DCLK1: variants seen among roughly 807,000 people sequenced by gnomAD.
DCLK1 encodes the protein doublecortin like kinase 1.
DCLK1 carries 16 observed loss-of-function variants against 86.2 expected under a neutral mutation model. The ratio of observed to expected loss-of-function variants is 0.19; its 90% CI spans 0.13 to 0.28. The LOEUF (loss-of-function observed/expected upper bound fraction) is 0.28, where lower values mean the gene tolerates loss of function less well. Among genes scored for constraint, DCLK1 ranks in the 10% least tolerant of loss-of-function variants. The pLI is 1.00. For missense variants in DCLK1, 590 were observed against 940.2 expected (o/e 0.63, Z 4.87); for synonymous variants, 369 against 370.5 (o/e 1.00, Z 0.05).
At chr13:36,099,962 G>C (rs9575272) in intron 3 of DCLK1, among the ~76,000 whole-genome samples, 27,930 of 151,852 alleles carry the variant, frequency 0.18, 2,855 homozygotes, top group East Asian at 0.45. Context: ...TTTAATCAAT[G>C]GATGTGTTTT....
chr13:35,962,897 T>C (rs1480049796), intron 3 of DCLK1, among the ~76,000 whole-genome samples: 1 of 152,224 alleles, frequency 6.6e-6, no homozygotes, highest in Non-Finnish European at 1.5e-5. Flanking sequence ...ACCTGGACTC[T>C]CTTATGTTCT....
intron 12 of DCLK1, 44 bp from the exon 13 acceptor site, chr13:35,809,139 A>T: frequency 6.6e-7 from 1 of 1,519,842 alleles, no homozygotes; most frequent in Non-Finnish European, 9.0e-7. Flanking sequence ...TCAGGCTCGG[A>T]CAAATTATGC....
At chr13:36,097,181 G>A (rs1418342181) in intron 3 of DCLK1, among the ~76,000 whole-genome samples, 1 of 152,218 alleles carries the variant, frequency 6.6e-6, no homozygotes, top group African/African-American at 2.4e-5. Context: ...TTTAAAAGCT[G>A]ATGTGACTAA....
chr13:36,016,823 G>A (rs1881554385), intron 3 of DCLK1, among the ~76,000 whole-genome samples: 1 of 152,148 alleles, frequency 6.6e-6, no homozygotes, highest in African/African-American at 2.4e-5. Context: ...CATGCAATCA[G>A]TATAAAAATT....
intron 8 of DCLK1, among the ~76,000 whole-genome samples, chr13:35,831,025 G>A (rs1022332822): frequency 6.6e-6 from 1 of 152,176 alleles, no homozygotes. Flanking sequence ...CAGAGGGTGT[G>A]TTGGCTCCCA....
chr13:35,943,723 A>G (rs1478856061), intron 4 of DCLK1, among the ~76,000 whole-genome samples: 1 of 151,738 alleles, frequency 6.6e-6, no homozygotes, highest in African/African-American at 2.4e-5. Flanking sequence ...CTCATCCCCA[A>G]GGAGTTCACT....
rs35847607 is a variant in DCLK1, at chr13:35,992,443, C to CTTT, written c.724-44989_724-44987dup. On this transcript the variant is annotated intron_variant, in intron 3 of 16. Coordinates refer to ENST00000360631, the MANE Select transcript of DCLK1 (RefSeq NM_001330071.2). ...TGTTTGCTTCCTTCAAAAGAAAGTG[C>CTTT]TTTTTTTTTTTTTAATGTTGGGGGC... Among the ~76,000 whole-genome samples, 354 of 144,556 alleles carry CTTT rather than the reference C, an allele frequency of 2.4e-3. 3 individuals are homozygous for CTTT. Among genetic ancestry groups the CTTT allele is most frequent in the African/African-American group, 8.8e-3 (341 of 38,968 alleles). The allele number at this position is 144,556 out of a possible 152,430, so 94.8% of individuals were successfully genotyped here. A position where few individuals can be genotyped will look rare whatever the true frequency, so the allele number is the denominator to read the frequency against.
chr13:35,849,303 C>T lies in DCLK1; in HGVS notation c.1035+5196G>A, dbSNP rs1482079307. The T allele has an allele frequency of 3.0e-6, 3 of 985,036 alleles. No homozygotes were observed. The African/African-American group carries it at 5.2e-5, about 17-fold the overall frequency. The allele number at this position is 985,036 out of a possible 1,614,324, so 61.0% of individuals were successfully genotyped here. On this transcript the variant is annotated intron_variant, in intron 6 of 16. Transcript: ENST00000360631. Reference sequence around the variant, plus strand: ...TAACATTTAAAACAGCGTGTGACAACTGAATTTCTCTCCATCTTGAATAAA... The same window carrying T: ...TAACATTTAAAACAGCGTGTGACAATTGAATTTCTCTCCATCTTGAATAAA...
chr13:35,852,400 C>T (rs564585916), intron 6 of DCLK1, among the ~76,000 whole-genome samples: 25 of 152,256 alleles, frequency 1.6e-4, no homozygotes, highest in African/African-American at 6.0e-4. Flanking sequence ...TCATTTATGG[C>T]CTAAATTCAA....
intron 3 of DCLK1, among the ~76,000 whole-genome samples, chr13:35,986,367 G>A (rs558579837): frequency 2.0e-5 from 3 of 149,902 alleles, no homozygotes; most frequent in Non-Finnish European, 4.4e-5. Context: ...CACAGAGGAG[G>A]CAGGGGAGAA....
At chr13:36,039,031 G>C (rs1012417021) in intron 3 of DCLK1, among the ~76,000 whole-genome samples, 1 of 152,138 alleles carries the variant, frequency 6.6e-6, no homozygotes, top group African/African-American at 2.4e-5. Flanking sequence ...GTAGTCATTC[G>C]TCAGGCGCCT....
At chr13:35,859,510 G>A (rs1256106165) in intron 5 of DCLK1, among the ~76,000 whole-genome samples, 1 of 152,108 alleles carries the variant, frequency 6.6e-6, no homozygotes, top group African/African-American at 2.4e-5. Flanking sequence ...TATCCCTCCC[G>A]ACGGTACATG....
At chr13:36,123,162 C>T (rs527272062) in intron 2 of DCLK1, among the ~76,000 whole-genome samples, 38 of 152,202 alleles carry the variant, frequency 2.5e-4, no homozygotes, top group African/African-American at 8.9e-4. Flanking sequence ...CATGCACTGA[C>T]GTTTACATAA....
intron 3 of DCLK1, among the ~76,000 whole-genome samples, chr13:36,083,677 C>T (rs540565697): frequency 1.3e-5 from 2 of 152,296 alleles, no homozygotes; most frequent in Non-Finnish European, 2.9e-5. Context: ...CCTCCAGGAA[C>T]AATCTTTTTC....
chr13:36,080,125 G>A (rs777134382), intron 3 of DCLK1, among the ~76,000 whole-genome samples: 11 of 152,066 alleles, frequency 7.2e-5, no homozygotes, highest in Admixed American at 4.6e-4. Context: ...AAAAATGTCT[G>A]TTTCTACAGC....
intron 2 of DCLK1, among the ~76,000 whole-genome samples, chr13:36,119,634 A>G (rs1885910202): frequency 6.6e-6 from 1 of 152,218 alleles, no homozygotes. Flanking sequence ...ACTTCTGTGC[A>G]TAACATCAAT....
At chr13:36,005,305 T>C (rs1474318982) in intron 3 of DCLK1, among the ~76,000 whole-genome samples, 1 of 152,124 alleles carries the variant, frequency 6.6e-6, no homozygotes, top group East Asian at 1.9e-4. Context: ...ATTCTGAATG[T>C]AAAGAATAAT....
Position 35,947,344 on chromosome 13 carries a change from T to C in DCLK1, c.823+14A>G. On this transcript the variant is annotated intron_variant, in intron 4 of 16. Transcript: ENST00000360631. ...CTCAAATTTCCCCTGGTTTTGAACT[T>C]TTTTTTTCCTTACCACTTTCATCTA... The C allele has an allele frequency of 1.2e-6, 2 of 1,611,650 alleles. No individual in the cohort carries two copies. The highest frequency in any genetic ancestry group is 1.7e-6 in the Non-Finnish European group (2 of 1,178,306).
chr13:36,051,522 C>T, intron 3 of DCLK1, among the ~76,000 whole-genome samples: 1 of 151,974 alleles, frequency 6.6e-6, no homozygotes, highest in East Asian at 1.9e-4. Flanking sequence ...ATTATAAAAC[C>T]CTCTGTGTGG....
Sources: allele counts gnomAD v4.1 joint callset (sites outside exome capture counted in the v4.1 genomes callset), GRCh38; gene constraint gnomAD v4.1.1; transcripts MANE v1.5; gene names NCBI Gene and HGNC (gene_info 2026-07-23, HGNC 2026-07-21).